PLPPR1: variants seen among roughly 807,000 people sequenced by gnomAD.
PLPPR1 encodes phospholipid phosphatase related 1.
Under a neutral mutation model 33.1 loss-of-function variants are expected in PLPPR1, and 10 were observed. The ratio of observed to expected loss-of-function variants is 0.30; its 90% CI spans 0.19 to 0.51. The LOEUF (loss-of-function observed/expected upper bound fraction) is 0.51. Ranked by LOEUF, PLPPR1 falls within the 20% of genes least tolerant of loss-of-function variation. The pLI is 0.97. For missense variants in PLPPR1, 304 were observed against 408.1 expected (o/e 0.74, Z 2.20); for synonymous variants, 151 against 151.0 (o/e 1.00, Z 0.00).
intron 1 of PLPPR1, among the ~76,000 whole-genome samples, chr9:101,052,480 T>C (rs774216723): frequency 2.0e-5 from 3 of 152,114 alleles, no homozygotes; most frequent in African/African-American, 4.8e-5. Context: ...TAATCAATAG[T>C]GGAATGGCTG....
At chr9:101,176,979 G>A (rs541822923) in intron 1 of PLPPR1, among the ~76,000 whole-genome samples, 1 of 152,134 alleles carries the variant, frequency 6.6e-6, no homozygotes, top group African/African-American at 2.4e-5. Flanking sequence ...TGAAACAAAT[G>A]AAAAAATAGT....
At chr9:101,127,523 G>T (rs1588039020) in intron 1 of PLPPR1, among the ~76,000 whole-genome samples, 2 of 152,318 alleles carry the variant, frequency 1.3e-5, no homozygotes, top group Non-Finnish European at 2.9e-5. Flanking sequence ...AGCTGTGATG[G>T]TTTAGCATTA....
At chr9:101,284,254 A>G (rs1588110466) in intron 3 of PLPPR1, among the ~76,000 whole-genome samples, 1 of 152,158 alleles carries the variant, frequency 6.6e-6, no homozygotes, top group East Asian at 1.9e-4. Context: ...TGGATTTAAA[A>G]TGATGTGACA....
chr9:101,188,356 T>G (rs543018852), intron 2 of PLPPR1, among the ~76,000 whole-genome samples: 1 of 152,260 alleles, frequency 6.6e-6, no homozygotes, highest in East Asian at 1.9e-4. Context: ...ATCAATTTCT[T>G]TGAAGAAATT....
At chr9:101,318,448 A>G in intron 7 of PLPPR1, among the ~76,000 whole-genome samples, 1 of 152,116 alleles carries the variant, frequency 6.6e-6, no homozygotes, top group East Asian at 1.9e-4. Context: ...AATAGATACT[A>G]TAATTCCTAT....
At chr9:101,304,545 G>A (rs554184312) in intron 4 of PLPPR1, among the ~76,000 whole-genome samples, 1 of 152,264 alleles carries the variant, frequency 6.6e-6, no homozygotes, top group East Asian at 1.9e-4. Flanking sequence ...ACTGAAACAA[G>A]AAATATGAGA....
At chr9:101,257,763 C>G (rs908989952) in intron 2 of PLPPR1, among the ~76,000 whole-genome samples, 16 of 152,234 alleles carry the variant, frequency 1.1e-4, no homozygotes, top group African/African-American at 3.4e-4. Flanking sequence ...CCCCATACAA[C>G]TTAATCCCAC....
chr9:101,292,140 G>C (rs1350432657), intron 4 of PLPPR1, among the ~76,000 whole-genome samples: 1 of 152,190 alleles, frequency 6.6e-6, no homozygotes. Context: ...ACTACGTGAA[G>C]AATGCAGAAG....
chr9:101,198,005 A>G (rs890106823), intron 2 of PLPPR1, among the ~76,000 whole-genome samples: 3 of 152,136 alleles, frequency 2.0e-5, no homozygotes, highest in Non-Finnish European at 4.4e-5. Flanking sequence ...AAATAATTAT[A>G]CTCACATTTC....
chr9:101,198,587 G>A (rs1287699314), intron 2 of PLPPR1, among the ~76,000 whole-genome samples: 2 of 152,192 alleles, frequency 1.3e-5, no homozygotes, highest in Non-Finnish European at 2.9e-5. Context: ...GAGAGGTGGA[G>A]CCTTCAAGAT....
chr9:101,085,724 T>C (rs1339422), intron 1 of PLPPR1, among the ~76,000 whole-genome samples: 103,399 of 152,044 alleles, frequency 0.68, 35,494 homozygotes, highest in East Asian at 0.89. Flanking sequence ...GGACTTTAAA[T>C]GAGGCTGGGG....
intron 2 of PLPPR1, among the ~76,000 whole-genome samples, chr9:101,211,835 C>T (rs1207780055): frequency 3.9e-5 from 6 of 152,070 alleles, no homozygotes; most frequent in African/African-American, 1.2e-4. Flanking sequence ...TATCAGGCAC[C>T]GAGCTAAGTA....
At chr9:101,228,868 A>C (rs1330206506) in intron 2 of PLPPR1, among the ~76,000 whole-genome samples, 11 of 152,156 alleles carry the variant, frequency 7.2e-5, no homozygotes, top group Admixed American at 7.2e-4. Context: ...AAGTTAATAG[A>C]AACTCGCAGG....
intron 4 of PLPPR1, among the ~76,000 whole-genome samples, chr9:101,297,504 C>T (rs888655467): frequency 3.9e-5 from 6 of 152,158 alleles, no homozygotes; most frequent in Admixed American, 2.6e-4. Flanking sequence ...TTGACTTTGA[C>T]GGAGAGTATT....
chr9:101,280,330 T>C (rs1363389274), intron 3 of PLPPR1, among the ~76,000 whole-genome samples: 1 of 152,160 alleles, frequency 6.6e-6, no homozygotes, highest in Non-Finnish European at 1.5e-5. Context: ...CAGGACCTGA[T>C]GGTTTCACTA....
At chr9:101,059,884 G>A (rs1275658476) in intron 1 of PLPPR1, among the ~76,000 whole-genome samples, 1 of 152,012 alleles carries the variant, frequency 6.6e-6, no homozygotes, top group African/African-American at 2.4e-5. Flanking sequence ...AATTAGTACA[G>A]CCATTATGGA....
chr9:101,323,918 C>A, intron 7 of PLPPR1, 107 bp from the exon 8 acceptor site: 2 of 840,510 alleles, frequency 2.4e-6, no homozygotes, highest in East Asian at 2.6e-5. Context: ...ACGGAACAGC[C>A]TGTGTACCCT....
In PLPPR1 at chr9:101,053,061, T is replaced by G. The variant is rs1212845059; in HGVS notation, c.-46+23959T>G. 2.6e-5 allele frequency among the ~76,000 whole-genome samples: 4 copies of G among 152,176 alleles called. No individual in the cohort carries two copies. The East Asian group carries it at 5.8e-4, about 22-fold the overall frequency. ...TTTATGTCAATCCATTTTTGATATC[T>G]CCACTCAGAAGAGCCCAGATTCACA... On this transcript the variant is annotated intron_variant, in intron 1 of 7. Coordinates refer to ENST00000374874, the MANE Select transcript of PLPPR1 (RefSeq NM_207299.2).
In PLPPR1 at chr9:101,226,434, A is replaced by G. The variant is rs1827070138; in HGVS notation, c.63+40877A>G. ...GCTGTTTGTGCTGCTATAACAAACCACCATACACTGGGTGGCTCATAAACA... is the reference window on the plus strand; with the variant it reads ...GCTGTTTGTGCTGCTATAACAAACCGCCATACACTGGGTGGCTCATAAACA... On this transcript the variant is annotated intron_variant, in intron 2 of 7. Transcript: ENST00000374874. Among the ~76,000 whole-genome samples, 3 of 152,070 alleles carry G rather than the reference A, an allele frequency of 2.0e-5. No individual in the cohort carries two copies. In the East Asian group the frequency reaches 5.8e-4, roughly 29 times the overall value.
Sources: gnomAD v4.1 joint callset for allele counts (sites outside exome capture counted in the v4.1 genomes callset) on GRCh38, gnomAD v4.1.1 for gene constraint, MANE v1.5 for transcripts, NCBI Gene and HGNC (gene_info 2026-07-23, HGNC 2026-07-21) for gene names.